Variants in PRKG1 observed in about 807,000 individuals in gnomAD.
PRKG1 encodes the protein protein kinase cGMP-dependent 1, also known as cGMP-dependent protein kinase 1.
In PRKG1, 35 loss-of-function variants were observed where a neutral mutation model predicts 88.1. The ratio of observed to expected loss-of-function variants is 0.40; its 90% CI spans 0.30 to 0.53. The LOEUF is 0.53. Ranked by LOEUF, PRKG1 falls within the 20% of genes least tolerant of loss-of-function variation. The probability of loss-of-function intolerance (pLI) is 0.59; values close to 1 mark genes in which losing one functional copy is unlikely to be tolerated. For missense variants in PRKG1, 540 were observed against 839.8 expected, an observed-to-expected ratio of 0.64 and a Z score of 4.41; for synonymous variants, 303 against 292.5, an observed-to-expected ratio of 1.04 and a Z score of -0.37.
intron 9 of PRKG1, among the ~76,000 whole-genome samples, chr10:52,195,734 G>A (rs1395538817): frequency 1.3e-5 from 2 of 151,924 alleles, no homozygotes; most frequent in Non-Finnish European, 2.9e-5. Flanking sequence ...TAGAGTGTCC[G>A]AATGACAATC....
intron 7 of PRKG1, among the ~76,000 whole-genome samples, chr10:52,095,010 T>C (rs1304264793): frequency 1.3e-5 from 2 of 152,160 alleles, no homozygotes; most frequent in Non-Finnish European, 2.9e-5. Flanking sequence ...AGACTGCTGC[T>C]TTTTGGCCAC....
intron 7 of PRKG1, among the ~76,000 whole-genome samples, chr10:52,069,510 C>T (rs1846440831): frequency 6.6e-6 from 1 of 151,594 alleles, no homozygotes; most frequent in South Asian, 2.1e-4. Flanking sequence ...AGCCTGTGAG[C>T]CTGAGTGAGA....
At chr10:51,125,971 T>G (rs1845388198) in intron 1 of PRKG1, among the ~76,000 whole-genome samples, 2 of 128,022 alleles carry the variant, frequency 1.6e-5, no homozygotes, top group South Asian at 2.3e-4. Context: ...GAATATATAA[T>G]TATATATACA....
intron 5 of PRKG1, among the ~76,000 whole-genome samples, chr10:52,008,141 A>C (rs1349644744): frequency 2.0e-5 from 3 of 152,196 alleles, no homozygotes; most frequent in Admixed American, 6.5e-5. Context: ...TTAAGAGAGA[A>C]GTTTCTAGTA....
chr10:51,710,978 T>A (rs1042895381), intron 3 of PRKG1, among the ~76,000 whole-genome samples: 1 of 152,222 alleles, frequency 6.6e-6, no homozygotes, highest in Admixed American at 6.5e-5. Flanking sequence ...ATTACAGGTA[T>A]GAGCCACTGC....
At chr10:52,223,769 A>G (rs774222758) in intron 9 of PRKG1, among the ~76,000 whole-genome samples, 2 of 152,082 alleles carry the variant, frequency 1.3e-5, no homozygotes, top group Non-Finnish European at 2.9e-5. Flanking sequence ...AATTTTCCCT[A>G]TTTTACTAAA....
At chr10:51,212,638 C>T (rs183033013) in intron 2 of PRKG1, among the ~76,000 whole-genome samples, 2,526 of 152,212 alleles carry the variant, frequency 0.017, 36 homozygotes, top group Middle Eastern at 0.051. Context: ...CAAACAACCC[C>T]ATCAAAAAGT....
chr10:51,653,321 C>T (rs761274279), intron 3 of PRKG1, among the ~76,000 whole-genome samples: 2 of 152,094 alleles, frequency 1.3e-5, no homozygotes, highest in Non-Finnish European at 2.9e-5. Flanking sequence ...AATCTACATT[C>T]CCACAAACAG....
chr10:52,211,395 G>A (rs954019734), intron 9 of PRKG1, among the ~76,000 whole-genome samples: 3 of 152,126 alleles, frequency 2.0e-5, no homozygotes, highest in Non-Finnish European at 4.4e-5. Context: ...CCTTAAAAAG[G>A]TTAAATCTTC....
chr10:51,697,768 C>G (rs768134230), intron 3 of PRKG1: 1 of 1,614,174 alleles, frequency 6.2e-7, no homozygotes, highest in South Asian at 1.1e-5. Context: ...GCTCAGGGGG[C>G]AGCATGGCAA....
intron 3 of PRKG1, among the ~76,000 whole-genome samples, chr10:51,663,194 T>A (rs1298777554): frequency 1.3e-5 from 2 of 151,988 alleles, no homozygotes; most frequent in African/African-American, 4.8e-5. Flanking sequence ...TGGGCAACAC[T>A]GGCCAGATTT....
chr10:52,271,967 G>A (rs1317445440), intron 11 of PRKG1, among the ~76,000 whole-genome samples: 4 of 151,988 alleles, frequency 2.6e-5, no homozygotes, highest in Non-Finnish European at 2.9e-5. Context: ...GGCATTTACT[G>A]AAAACAAGAT....
At chr10:51,164,021 C>T (rs1359908478) in intron 2 of PRKG1, among the ~76,000 whole-genome samples, 9 of 152,164 alleles carry the variant, frequency 5.9e-5, no homozygotes, top group African/African-American at 1.9e-4. Flanking sequence ...AATGTCCCTG[C>T]CTAACAGCTT....
chr10:51,775,786 G>C (rs1838419658), intron 3 of PRKG1, among the ~76,000 whole-genome samples: 1 of 151,958 alleles, frequency 6.6e-6, no homozygotes, highest in South Asian at 2.1e-4. Flanking sequence ...GTTTCACCAT[G>C]TTGCCCAGGC....
chr10:51,729,575 C>T (rs542308998), intron 3 of PRKG1, among the ~76,000 whole-genome samples: 42 of 151,596 alleles, frequency 2.8e-4, no homozygotes, highest in African/African-American at 9.7e-4. Context: ...GGCATAGTGG[C>T]GGGCACCTGT....
chr10:51,180,547 C>G (rs377472958), intron 2 of PRKG1, among the ~76,000 whole-genome samples: 1 of 152,162 alleles, frequency 6.6e-6, no homozygotes, highest in East Asian at 1.9e-4. Flanking sequence ...GATATTCTGT[C>G]ATATAATTGC....
chr10:52,076,343 G>A (rs1284548916), intron 7 of PRKG1, among the ~76,000 whole-genome samples: 2 of 152,230 alleles, frequency 1.3e-5, no homozygotes, highest in East Asian at 3.9e-4. Flanking sequence ...AATCACTGGA[G>A]GTCAGGAGTT....
chr10:51,784,548 A>G (rs963657521), intron 3 of PRKG1, among the ~76,000 whole-genome samples: 19 of 152,142 alleles, frequency 1.2e-4, no homozygotes, highest in African/African-American at 4.6e-4. Context: ...TTACTTGTTT[A>G]AGAAAAAAAT....
intron 3 of PRKG1, among the ~76,000 whole-genome samples, chr10:51,758,860 C>T (rs1837941672): frequency 1.3e-5 from 2 of 148,972 alleles, no homozygotes; most frequent in African/African-American, 2.5e-5. Flanking sequence ...CCCCACCCCC[C>T]GACAGGGCCC....
Sources: gnomAD v4.1 joint callset for allele counts (sites outside exome capture counted in the v4.1 genomes callset) on GRCh38, gnomAD v4.1.1 for gene constraint, MANE v1.5 for transcripts, NCBI Gene and HGNC (gene_info 2026-07-23, HGNC 2026-07-21) for gene names.